EYA1: variants seen among roughly 807,000 people sequenced by gnomAD.
EYA1 encodes EYA transcriptional coactivator and phosphatase 1, also known as protein phosphatase EYA1.
EYA1 carries 16 observed loss-of-function variants against 82.0 expected under a neutral mutation model. The ratio of observed to expected loss-of-function variants is 0.20; its 90% CI spans 0.13 to 0.30. The LOEUF (loss-of-function observed/expected upper bound fraction) is 0.30, where lower values mean the gene tolerates loss of function less well. Ranked by LOEUF, EYA1 falls within the 10% of genes least tolerant of loss-of-function variation. EYA1 has a pLI of 1.00. For missense variants in EYA1, 633 were observed against 730.7 expected (o/e 0.87, Z 1.54); for synonymous variants, 261 against 264.4 (o/e 0.99, Z 0.12).
chr8:71,361,218 AGT>A (rs1405062462), intron 1 of EYA1, among the ~76,000 whole-genome samples: 1 of 152,162 alleles, frequency 6.6e-6, no homozygotes, highest in African/African-American at 2.4e-5. Flanking sequence ...TTCATATCAA[AGT>A]GTGTAAAAGT....
chr8:71,445,869 T>C (rs1806836818), intron 2 of EYA1, among the ~76,000 whole-genome samples: 1 of 152,138 alleles, frequency 6.6e-6, no homozygotes, highest in Non-Finnish European at 1.5e-5. Context: ...AAACTTTTCA[T>C]AAATTAACAA....
At chr8:71,415,090 G>A (rs760309977) in intron 2 of EYA1, among the ~76,000 whole-genome samples, 16 of 152,156 alleles carry the variant, frequency 1.1e-4, no homozygotes, top group Non-Finnish European at 2.2e-4. Context: ...GGCATTGGTT[G>A]CTCTGATTGA....
In EYA1 at chr8:71,461,906, G is replaced by A. The variant is rs911150264; in HGVS notation, c.33+73838C>T. Among the ~76,000 whole-genome samples the A allele has an allele frequency of 4.1e-4, 62 of 152,256 alleles. 1 individual carries two copies. The highest frequency in any genetic ancestry group is 3.3e-3 in the Admixed American group (50 of 15,300). ...GGTCATCCCAACAAGTGTTCAGGTC[G>A]CAGCAGCCAGGGTAGTTCCTCTCTG... On this transcript the variant is annotated intron_variant, in intron 2 of 18. Coordinates refer to the EYA1 transcript ENST00000643681.
chr8:71,358,755 G>A (rs1827125011), intron 1 of EYA1, among the ~76,000 whole-genome samples: 1 of 152,102 alleles, frequency 6.6e-6, no homozygotes, highest in Admixed American at 6.5e-5. Context: ...TCTGATTGCT[G>A]TTGATTTCCT....
chr8:71,408,713 AT>A (rs2129137629), intron 2 of EYA1, among the ~76,000 whole-genome samples: 1 of 127,326 alleles, frequency 7.9e-6, no homozygotes, highest in Admixed American at 8.1e-5. Context: ...GAGCACCCAG[AT>A]TCATAAAGCA....
chr8:71,478,003 A>G (rs1435397575), intron 2 of EYA1, among the ~76,000 whole-genome samples: 1 of 152,176 alleles, frequency 6.6e-6, no homozygotes, highest in Admixed American at 6.5e-5. Context: ...CACAAAGTAG[A>G]TGAGTGGTTG....
chr8:71,537,520 T>C (rs774402415), intron 1 of EYA1, among the ~76,000 whole-genome samples: 6 of 152,186 alleles, frequency 3.9e-5, no homozygotes, highest in Admixed American at 6.5e-5. Flanking sequence ...GATTTTAAAA[T>C]AATGATAATA....
At chr8:71,403,998 A>C (rs1210345284) in intron 2 of EYA1, 1 of 152,242 alleles carries the variant, frequency 6.6e-6, no homozygotes, top group African/African-American at 2.4e-5. Context: ...AGGACATTTA[A>C]AAAATAATTG....
intron 2 of EYA1, among the ~76,000 whole-genome samples, chr8:71,426,414 C>A (rs1176012357): frequency 6.6e-6 from 1 of 152,206 alleles, no homozygotes; most frequent in Non-Finnish European, 1.5e-5. Context: ...AGATTCTTGC[C>A]AAGGAAGTAT....
intron 17 of EYA1, among the ~76,000 whole-genome samples, chr8:71,202,760 G>A (rs1261430958): frequency 6.6e-6 from 1 of 152,172 alleles, no homozygotes; most frequent in Non-Finnish European, 1.5e-5. Flanking sequence ...GGCATGCAGG[G>A]TAGTGATGTC....
chr8:71,539,911 C>T (rs569398731), intron 1 of EYA1, among the ~76,000 whole-genome samples: 2 of 152,246 alleles, frequency 1.3e-5, no homozygotes, highest in South Asian at 2.1e-4. Context: ...TAAATTGAGA[C>T]TATAATCTGA....
At chr8:71,311,470 T>C (rs1056855395) in intron 7 of EYA1, among the ~76,000 whole-genome samples, 6 of 152,220 alleles carry the variant, frequency 3.9e-5, no homozygotes, top group African/African-American at 1.4e-4. Context: ...TTTGCAGAAC[T>C]GACCCAAGGG....
At chr8:71,521,778 T>C (rs1813417653) in intron 2 of EYA1, among the ~76,000 whole-genome samples, 1 of 152,186 alleles carries the variant, frequency 6.6e-6, no homozygotes, top group Non-Finnish European at 1.5e-5. Context: ...GTTATACTTT[T>C]CTCTCAAGGC....
intron 2 of EYA1, among the ~76,000 whole-genome samples, chr8:71,534,904 T>TA (rs35440740): frequency 0.64 from 81,110 of 125,990 alleles, 25,008 homozygotes; most frequent in Admixed American, 0.72. Flanking sequence ...AAATGAAAGC[T>TA]AAAAAAAAAA....
intron 3 of EYA1, among the ~76,000 whole-genome samples, chr8:71,348,456 C>A (rs951834764): frequency 6.6e-6 from 1 of 152,188 alleles, no homozygotes. Context: ...GCCCAACCAG[C>A]GGAGAGATGC....
chr8:71,433,280 GA>G (rs1424331394), intron 2 of EYA1, among the ~76,000 whole-genome samples: 2 of 152,086 alleles, frequency 1.3e-5, no homozygotes, highest in African/African-American at 4.8e-5. Context: ...GATTTGAAAA[GA>G]AAAAAGAACA....
intron 12 of EYA1, among the ~76,000 whole-genome samples, chr8:71,243,577 C>A (rs142137043): frequency 6.6e-6 from 1 of 152,134 alleles, no homozygotes; most frequent in African/African-American, 2.4e-5. Context: ...GTTGCCAATT[C>A]GTCTTTGAGT....
intron 7 of EYA1, among the ~76,000 whole-genome samples, chr8:71,307,778 C>T (rs559128765): frequency 1.3e-5 from 2 of 152,274 alleles, no homozygotes; most frequent in South Asian, 2.1e-4. Flanking sequence ...CGGAGCATGC[C>T]GCTAGGATGT....
chr8:71,442,179 A>G (rs1349243578), intron 2 of EYA1, among the ~76,000 whole-genome samples: 1 of 152,202 alleles, frequency 6.6e-6, no homozygotes, highest in Non-Finnish European at 1.5e-5. Context: ...GTTAATAGTT[A>G]TTTAGTTCTT....
Sources: allele counts gnomAD v4.1 joint callset (sites outside exome capture counted in the v4.1 genomes callset), GRCh38; gene constraint gnomAD v4.1.1; transcripts MANE v1.5; gene names NCBI Gene and HGNC (gene_info 2026-07-23, HGNC 2026-07-21).